The following AFF3 variants were observed in gnomAD, a reference collection of about 807,000 sequenced individuals.
The protein encoded by AFF3 is AF4/FMR2 family member 3.
In AFF3, 32 loss-of-function variants were observed where a neutral mutation model predicts 129.7. That is an observed-to-expected ratio of 0.25 (90% CI 0.19 to 0.33). AFF3 has a LOEUF of 0.33. Among genes scored for constraint, AFF3 ranks in the 10% least tolerant of loss-of-function variants. The probability of loss-of-function intolerance (pLI) is 1.00; values close to 1 mark genes in which losing one functional copy is unlikely to be tolerated. For synonymous variants in AFF3, 644 were observed against 635.4 expected, an observed-to-expected ratio of 1.01 and a Z score of -0.20; for missense variants, 1,373 against 1,592.0, an observed-to-expected ratio of 0.86 and a Z score of 2.34.
intron 7 of AFF3, among the ~76,000 whole-genome samples, chr2:99,935,190 C>T (rs1306072772): frequency 1.3e-5 from 2 of 152,172 alleles, no homozygotes; most frequent in African/African-American, 4.8e-5. Context: ...CATGAAGACC[C>T]ATCAGAATCC....
At chr2:99,955,186 G>A (rs971123328) in intron 7 of AFF3, among the ~76,000 whole-genome samples, 3 of 152,122 alleles carry the variant, frequency 2.0e-5, no homozygotes, top group African/African-American at 7.2e-5. Flanking sequence ...CCAAGGTGAT[G>A]TAGTTAAATA....
intron 11 of AFF3, among the ~76,000 whole-genome samples, chr2:99,678,439 C>A (rs1674208695): frequency 6.6e-6 from 1 of 152,180 alleles, no homozygotes; most frequent in East Asian, 1.9e-4. Flanking sequence ...TGCAAACGGG[C>A]ACGTTAACTA....
chr2:99,652,595 A>C (rs1685362513), intron 12 of AFF3, among the ~76,000 whole-genome samples: 1 of 152,164 alleles, frequency 6.6e-6, no homozygotes, highest in African/African-American at 2.4e-5. Context: ...CTGAATTAGG[A>C]AAACCATCTA....
chr2:99,601,479 T>A lies in AFF3; in HGVS notation c.1327A>T (p.Ser443Cys). Residue 443 changes from serine (S) to cysteine (C), a missense_variant, in exon 14 of 25, where the codon AGC becomes TGC. This residue lies in a region of AFF3 where 413 missense variants were observed against 424.4 expected (regional missense o/e 0.97). Transcript: ENST00000672756. ...GSDSETESSSSESEGSKPPHF... is the reference protein window; with the variant it reads ...GSDSETESSSCESEGSKPPHF... ...GGGGGCTTGCTGCCCTCACTCTCGC[T>A]GGAGCTGCTCTCGGTCTCCGAGTCA... 6.2e-7 allele frequency: 1 copy of A among 1,610,516 alleles called. No individual in the cohort carries two copies. Among genetic ancestry groups the A allele is most frequent in the Non-Finnish European group, 8.5e-7 (1 of 1,178,646 alleles).
chr2:100,010,627 CAACT>C (rs781064297), intron 4 of AFF3, among the ~76,000 whole-genome samples: 34 of 152,152 alleles, frequency 2.2e-4, no homozygotes, highest in African/African-American at 4.1e-4. Flanking sequence ...AATCTTCTAC[CAACT>C]GAGAGGCTCA....
chr2:99,571,473 C>T (rs1676471676), intron 18 of AFF3, among the ~76,000 whole-genome samples: 1 of 152,160 alleles, frequency 6.6e-6, no homozygotes, highest in South Asian at 2.1e-4. Context: ...TTGTTTTCAT[C>T]TGCAGCATAG....
chr2:99,894,539 G>A (rs1693797943), intron 7 of AFF3, among the ~76,000 whole-genome samples: 1 of 151,470 alleles, frequency 6.6e-6, no homozygotes, highest in African/African-American at 2.4e-5. Context: ...CGCGATCTCA[G>A]CTCACTGCAA....
chr2:99,854,729 G>A (rs1690399500), intron 7 of AFF3, among the ~76,000 whole-genome samples: 1 of 152,052 alleles, frequency 6.6e-6, no homozygotes, highest in Non-Finnish European at 1.5e-5. Flanking sequence ...CACTCAACAG[G>A]AAGTCTTGAA....
intron 24 of AFF3, among the ~76,000 whole-genome samples, chr2:99,552,319 G>T (rs186800762): frequency 2.6e-5 from 4 of 152,302 alleles, no homozygotes; most frequent in African/African-American, 9.6e-5. Context: ...GAACCCGGGA[G>T]GAGGAGGTTG....
At chr2:99,611,065 T>C (rs1394385274) in intron 13 of AFF3, among the ~76,000 whole-genome samples, 1 of 152,196 alleles carries the variant, frequency 6.6e-6, no homozygotes, top group Non-Finnish European at 1.5e-5. Context: ...TTCCCTCTGT[T>C]CTCTTCATTC....
intron 11 of AFF3, among the ~76,000 whole-genome samples, chr2:99,703,267 A>G (rs945609833): frequency 6.6e-5 from 10 of 152,176 alleles, no homozygotes; most frequent in Non-Finnish European, 1.2e-4. Context: ...CAAAGCCAGC[A>G]GCATTTCCAA....
intron 13 of AFF3, among the ~76,000 whole-genome samples, chr2:99,635,091 A>AT (rs1683508540): frequency 6.6e-6 from 1 of 151,660 alleles, no homozygotes; most frequent in Non-Finnish European, 1.5e-5. Context: ...ATATACACAT[A>AT]TCTCTATGTA....
rs73966511 is a variant in AFF3 at position 99,688,522 on chromosome 2, T to C, written c.1092-15933A>G. ...AAATCAAATGGACACCTTGGTCTCC[T>C]TGTCTTGCTTGGTCACTCTGATTTA... On this transcript the variant is annotated intron_variant, in intron 11 of 24. Transcript: ENST00000672756. Among the ~76,000 whole-genome samples, 227 of 152,340 alleles carry C rather than the reference T, an allele frequency of 1.5e-3. 1 individual carries two copies. Among genetic ancestry groups the C allele is most frequent in the African/African-American group, 5.0e-3 (207 of 41,576 alleles).
At position 99,891,828 on chromosome 2, in the gene AFF3, AT is replaced by A. The variant is rs71376502; in HGVS notation, c.874-54305del. Among the ~76,000 whole-genome samples the A allele has an allele frequency of 7.6e-4, 111 of 146,882 alleles. 2 individuals are homozygous for A. In the East Asian group the frequency reaches 0.01, roughly 14 times the overall value. ...CCCTGGGCTTAAAGCCCACCAGCAC[AT>A]TTTTTTTTTTTGAGACAGAGTCTCG... On this transcript the variant is annotated intron_variant, in intron 7 of 24. Coordinates refer to ENST00000672756, the MANE Select transcript of AFF3 (RefSeq NM_001386135.1).
intron 7 of AFF3, among the ~76,000 whole-genome samples, chr2:99,906,388 A>C (rs1694719753): frequency 6.6e-6 from 1 of 152,058 alleles, no homozygotes; most frequent in Non-Finnish European, 1.5e-5. Flanking sequence ...GTGCTTTCGG[A>C]CCTATGTGTC....
chr2:99,909,253 C>T (rs999871280), intron 7 of AFF3, among the ~76,000 whole-genome samples: 4 of 150,630 alleles, frequency 2.7e-5, no homozygotes, highest in African/African-American at 7.3e-5. Flanking sequence ...AACCAAACAC[C>T]GCATGTTCTC....
chr2:99,749,367 G>A (rs1681435629), intron 9 of AFF3, among the ~76,000 whole-genome samples: 2 of 152,140 alleles, frequency 1.3e-5, no homozygotes, highest in Admixed American at 6.5e-5. Flanking sequence ...GTCATTACTT[G>A]CACTTAAGCA....
At chr2:99,757,179 T>C (rs1682183868) in intron 8 of AFF3, among the ~76,000 whole-genome samples, 1 of 152,332 alleles carries the variant, frequency 6.6e-6, no homozygotes, top group East Asian at 1.9e-4. Context: ...CTTGCTACTG[T>C]GGCTTTAAAA....
rs1689171986 is a variant in AFF3 at position 100,083,418 on chromosome 2, G to A, written c.53+20984C>T. On this transcript the variant is annotated intron_variant, in intron 4 of 24. Coordinates refer to ENST00000672756, the MANE Select transcript of AFF3 (RefSeq NM_001386135.1). ...TTATGACCTGGACAGGTCACCGCAA[G>A]CCCCTGCTGGTCCAGGCAGTCAAGA... 2.0e-5 allele frequency among the ~76,000 whole-genome samples: 3 copies of A among 152,168 alleles called. No homozygotes were observed. In the South Asian group the frequency reaches 6.2e-4, roughly 32 times the overall value.
Sources: allele counts gnomAD v4.1 joint callset (sites outside exome capture counted in the v4.1 genomes callset), GRCh38; gene constraint gnomAD v4.1.1; regional missense constraint gnomAD v4.1.1; transcripts MANE v1.5; gene names NCBI Gene and HGNC (gene_info 2026-07-23, HGNC 2026-07-21).